Variants in ZNF518B observed in about 807,000 individuals in gnomAD.
The protein encoded by ZNF518B is zinc finger protein 518B.
In ZNF518B, 23 loss-of-function variants were observed where a neutral mutation model predicts 56.3. That is an observed-to-expected ratio of 0.41 (90% CI 0.29 to 0.58). The LOEUF is 0.58. Among genes scored for constraint, ZNF518B ranks in the 20% least tolerant of loss-of-function variants. ZNF518B has a pLI of 0.32. For synonymous variants in ZNF518B, 529 were observed against 465.9 expected, an observed-to-expected ratio of 1.14 and a Z score of -1.74; for missense variants, 1,460 against 1,272.1, an observed-to-expected ratio of 1.15 and a Z score of -2.25.
In ZNF518B at chr4:10,443,012, T is replaced by C. The variant is rs1673558987; in HGVS notation, c.*92A>G. The stretch of plus-strand genomic sequence containing the variant: ...GAAGAATTAGCAGTCCTCTCATTTC[T>C]ACAGTCTGTATTTCTTCTACTGAAT... On this transcript the variant is annotated 3_prime_UTR_variant, in exon 3 of 3. Coordinates refer to ENST00000326756, the MANE Select transcript of ZNF518B (RefSeq NM_053042.3). 5 of 1,147,316 alleles carry C rather than the reference T, an allele frequency of 4.4e-6. No individual in the cohort carries two copies. Among genetic ancestry groups the C allele is most frequent in the Non-Finnish European group, 4.9e-6 (4 of 817,202 alleles). The allele number at this position is 1,147,316 out of a possible 1,614,324, so 71.1% of individuals were successfully genotyped here.
At position 10,446,188 on chromosome 4, in the gene ZNF518B, G is replaced by A. The variant is rs758370010; in HGVS notation, c.141C>T (p.Gly47=). 16 of 1,614,046 alleles carry A rather than the reference G, an allele frequency of 9.9e-6. No individual in the cohort carries two copies. The highest frequency in any genetic ancestry group is 3.3e-5 in the Admixed American group (2 of 60,008). Residue 47 remains glycine, a synonymous_variant, in exon 3 of 3, where the codon GGC becomes GGT. Coordinates refer to ENST00000326756, the MANE Select transcript of ZNF518B (RefSeq NM_053042.3). ...RQEAQTLLYQ[G]SEAEAAMMTI... Reference sequence around the variant, plus strand: ...TCATCATGGCAGCCTCTGCCTCTGAGCCTTGATACAAAAGGGTTTGTGCTT... The same window carrying A: ...TCATCATGGCAGCCTCTGCCTCTGAACCTTGATACAAAAGGGTTTGTGCTT...
Position 10,443,227 on chromosome 4 carries a change from A to C in ZNF518B, c.3102T>G (p.Cys1034Trp), listed in dbSNP as rs1489622567. 6.2e-7 allele frequency: 1 copy of C among 1,614,224 alleles called. No individual in the cohort carries two copies. Residue 1034 changes from cysteine to tryptophan, a missense_variant, in exon 3 of 3, where the codon TGT becomes TGG. Transcript: ENST00000326756. ...VDSLPDDSSQ[C>W]VFKCWFCGRL... ...GCCCACAAAACCAGCACTTAAATAC[A>C]CACTGTGAAGAATCATCAGGCAAGG...
At position 10,444,289 on chromosome 4, in the gene ZNF518B, T is replaced by C; in HGVS notation, c.2040A>G (p.Ser680=). 1 of 1,614,214 alleles carries C rather than the reference T, an allele frequency of 6.2e-7. No homozygotes were observed. The highest frequency in any genetic ancestry group is 8.5e-7 in the Non-Finnish European group (1 of 1,180,028). Residue 680 remains serine (S), a synonymous_variant, in exon 3 of 3, where the codon TCA becomes TCG. Transcript: ENST00000326756. ...AQLIESCGKP[S]SLASNSAHRR... The stretch of plus-strand genomic sequence containing the variant: ...GATGTGCACTATTTGAAGCCAAAGA[T>C]GACGGCTTCCCACAGGACTCAATTA...
At chr4:10,448,331 A>G (rs1429849820) in intron 2 of ZNF518B, among the ~76,000 whole-genome samples, 2 of 152,170 alleles carry the variant, frequency 1.3e-5, no homozygotes, top group African/African-American at 4.8e-5. Flanking sequence ...TAACAGGCCA[A>G]GAGCCATATA....
In ZNF518B at chr4:10,440,363, T is replaced by A. The variant is rs367828426; in HGVS notation, c.*2741A>T. On this transcript the variant is annotated 3_prime_UTR_variant, in exon 3 of 3. Transcript: ENST00000326756. ...ATCTCTCACTTCTGGTCCACCAAAG[T>A]AAGAAAACCTACTTTAAAAAATAAG... 6.6e-5 allele frequency: 10 copies of A among 151,454 alleles called. No homozygotes were observed. Among genetic ancestry groups the A allele is most frequent in the Admixed American group, 1.3e-4 (2 of 15,240 alleles). The allele number at this position is 151,454 out of a possible 1,614,324, so 9.4% of individuals were successfully genotyped here. A position where few individuals can be genotyped will look rare whatever the true frequency, so the allele number is the denominator to read the frequency against.
chr4:10,458,221 A>G (rs1468518551), upstream of ZNF518B, among the ~76,000 whole-genome samples: 1 of 152,218 alleles, frequency 6.6e-6, no homozygotes. Flanking sequence ...CCGCACAATC[A>G]GTGACTCCCC....
Position 10,440,867 on chromosome 4 carries a change from A to AAACAAAAAAAAACCACAGC in ZNF518B, c.*2218_*2236dup, listed in dbSNP as rs1307301353. The stretch of plus-strand genomic sequence containing the variant: ...AGATAAAAAAGTGGCAAACAAAACA[A>AAACAAAAAAAAACCACAGC]AACAAAAAAAAACCACAGCCTTTTC... On this transcript the variant is annotated 3_prime_UTR_variant, in exon 3 of 3. Coordinates refer to ENST00000326756, the MANE Select transcript of ZNF518B (RefSeq NM_053042.3). The AAACAAAAAAAAACCACAGC allele has an allele frequency of 6.6e-6, 1 of 152,462 alleles. No individual in the cohort carries two copies. Among genetic ancestry groups the AAACAAAAAAAAACCACAGC allele is most frequent in the Non-Finnish European group, 1.5e-5 (1 of 68,040 alleles). 9.4% of individuals were successfully genotyped at this position (152,462 alleles called of 1,614,324 possible). A position where few individuals can be genotyped will look rare whatever the true frequency, so the allele number is the denominator to read the frequency against.
chr4:10,452,198 C>G (rs1032997554), intron 2 of ZNF518B: 2 of 152,188 alleles, frequency 1.3e-5, no homozygotes, highest in Non-Finnish European at 2.9e-5. Flanking sequence ...GCAGGGTTTA[C>G]AGTTCCAACT....
upstream of ZNF518B, among the ~76,000 whole-genome samples, chr4:10,459,997 T>G (rs1715692239): frequency 6.6e-6 from 1 of 152,106 alleles, no homozygotes; most frequent in Non-Finnish European, 1.5e-5. Context: ...ATTCATTCAC[T>G]CATGCATTCA....
At chr4:10,452,619 C>G (rs916462019) in intron 2 of ZNF518B, 7 of 152,108 alleles carry the variant, frequency 4.6e-5, no homozygotes, top group Non-Finnish European at 1.0e-4. Flanking sequence ...ATGGGGAAGG[C>G]AGGACATCTG....
At chr4:10,459,940 G>C (rs1256782318), upstream of ZNF518B, among the ~76,000 whole-genome samples, 1 of 152,144 alleles carries the variant, frequency 6.6e-6, no homozygotes, top group Non-Finnish European at 1.5e-5. Context: ...AGAGAAGAAG[G>C]AAGACATGAA....
In ZNF518B at chr4:10,445,671, G is replaced by A. The variant is rs755440792; in HGVS notation, c.658C>T (p.Arg220Trp). The stretch of plus-strand genomic sequence containing the variant: ...AGCTTGGCAACAGCTTTGACTGGCC[G>A]TTTCGCACCTGCCCTTTCATGTACT... The part of the protein sequence containing the change: ...KRVHERAGAK[R>W]PVKAVAKLEP... The change falls in exon 3 of 3, where the codon CGG (arginine) becomes TGG (tryptophan). Residue 220 changes from arginine to tryptophan, a missense_variant. Physicochemically the swap from Arg to Trp is moderately radical, Grantham distance 101. Transcript: ENST00000326756. The A allele has an allele frequency of 9.2e-5, 149 of 1,614,090 alleles. 4 individuals carry two copies. The South Asian group carries it at 1.1e-3, about 12-fold the overall frequency.
At chr4:10,453,497 A>C (rs1349253001) in intron 2 of ZNF518B, 2 of 152,232 alleles carry the variant, frequency 1.3e-5, no homozygotes, top group African/African-American at 2.4e-5. Flanking sequence ...GCTTTTTCTT[A>C]ACATTTTAAG....
chr4:10,449,020 C>T (rs564310092), intron 2 of ZNF518B, among the ~76,000 whole-genome samples: 3 of 152,308 alleles, frequency 2.0e-5, no homozygotes, highest in South Asian at 2.1e-4. Context: ...TGCTGATCCT[C>T]GAAATCACAC....
Position 10,443,255 on chromosome 4 carries a change from T to C in ZNF518B, c.3074A>G (p.Asp1025Gly). The change falls in exon 3 of 3, where the codon GAT becomes GGT. Residue 1025 changes from aspartate (D) to glycine (G), a missense_variant. Asp to Gly is a moderately conservative substitution (Grantham distance 94). Transcript: ENST00000326756. ...KVHKNNYQVV[D>G]SLPDDSSQCV... is the part of the protein sequence containing the mutation. ...CTGTGAAGAATCATCAGGCAAGGAA[T>C]CCACTACCTGGTAGTTGTTTTTATG... is the stretch of plus-strand genomic sequence containing the variant. 1.2e-6 allele frequency: 2 copies of C among 1,614,220 alleles called. No homozygotes were observed. Among genetic ancestry groups the C allele is most frequent in the East Asian group, 2.2e-5 (1 of 44,890 alleles).
chr4:10,454,457 T>A (rs1192429572), intron 2 of ZNF518B: 5 of 152,246 alleles, frequency 3.3e-5, no homozygotes, highest in Non-Finnish European at 5.9e-5. Flanking sequence ...TAAATGGGTA[T>A]GATAAGTAGA....
chr4:10,455,314 T>C (rs184003469), intron 1 of ZNF518B, among the ~76,000 whole-genome samples: 1 of 152,304 alleles, frequency 6.6e-6, no homozygotes, highest in Admixed American at 6.5e-5. Context: ...ATCCTGGAAA[T>C]TGCAGTTAGC....
intron 2 of ZNF518B, chr4:10,453,147 A>G (rs1002808021): frequency 1.3e-5 from 2 of 152,252 alleles, no homozygotes; most frequent in Non-Finnish European, 2.9e-5. Flanking sequence ...TCTCATTTAT[A>G]CAGCTGATGT....
At position 10,443,706 on chromosome 4, in the gene ZNF518B, T is replaced by C. The variant is rs1714798268; in HGVS notation, c.2623A>G (p.Lys875Glu). 4 of 1,614,218 alleles carry C rather than the reference T, an allele frequency of 2.5e-6. No individual in the cohort carries two copies. The highest frequency in any genetic ancestry group is 1.1e-5 in the South Asian group (1 of 91,082). Residue 875 changes from lysine to glutamate, a missense_variant, in exon 3 of 3, where the codon AAG (lysine) becomes GAG (glutamate). Lys to Glu is a moderately conservative substitution (Grantham distance 56). Transcript: ENST00000326756. Reference sequence around the variant, plus strand: ...CTTCTGGAAAGCAGTCTCCCTTGCTTATTTAATTCACTGCTTCCTTGCTGT... The same window carrying C: ...CTTCTGGAAAGCAGTCTCCCTTGCTCATTTAATTCACTGCTTCCTTGCTGT... ...YGQQGSSELN[K>E]QGRLLSRSLS...
Sources: allele counts gnomAD v4.1 joint callset (sites outside exome capture counted in the v4.1 genomes callset), GRCh38; gene constraint gnomAD v4.1.1; transcripts MANE v1.5; gene names NCBI Gene and HGNC (gene_info 2026-07-23, HGNC 2026-07-21).